The following EXT1 variants were observed in gnomAD, a reference collection of about 807,000 sequenced individuals.
The protein encoded by EXT1 is exostosin glycosyltransferase 1, also known as exostosin-1.
A neutral mutation model predicts 82.5 loss-of-function variants in EXT1; 20 were observed. That is an observed-to-expected ratio of 0.24 (90% confidence interval 0.17 to 0.35). The LOEUF is 0.35. Among genes scored for constraint, EXT1 ranks in the 10% least tolerant of loss-of-function variants. The pLI is 1.00. For synonymous variants in EXT1, 348 were observed against 350.8 expected (o/e 0.99, Z 0.09); for missense variants, 757 against 936.5 (o/e 0.81, Z 2.50).
intron 1 of EXT1, among the ~76,000 whole-genome samples, chr8:117,903,701 G>C (rs188311652): frequency 2.4e-3 from 372 of 152,240 alleles, no homozygotes; most frequent in South Asian, 7.7e-3. Context: ...ACAACAACTT[G>C]CCACAGACAG....
intron 1 of EXT1, among the ~76,000 whole-genome samples, chr8:117,969,844 C>T (rs79194317): frequency 0.012 from 1,812 of 152,310 alleles, 34 homozygotes; most frequent in African/African-American, 0.04. Context: ...TGAATCAGAA[C>T]GGCAGTTCTC....
intron 1 of EXT1, among the ~76,000 whole-genome samples, chr8:117,900,045 G>A (rs558940626): frequency 2.0e-5 from 3 of 152,326 alleles, no homozygotes; most frequent in East Asian, 1.9e-4. Flanking sequence ...GTGACTACAC[G>A]GAGGTCCCTG....
chr8:117,865,802 A>G (rs536868920), intron 1 of EXT1, among the ~76,000 whole-genome samples: 1 of 152,346 alleles, frequency 6.6e-6, no homozygotes, highest in African/African-American at 2.4e-5. Context: ...ATTTACACCG[A>G]GTTATATTGC....
intron 1 of EXT1, among the ~76,000 whole-genome samples, chr8:118,063,960 T>C (rs890950385): frequency 6.6e-6 from 1 of 152,100 alleles, no homozygotes; most frequent in African/African-American, 2.4e-5. Flanking sequence ...TCAACTTCCC[T>C]GGTTCAAGCG....
chr8:118,080,789 T>TTACTA (rs1464470156), intron 1 of EXT1, among the ~76,000 whole-genome samples: 1 of 152,100 alleles, frequency 6.6e-6, no homozygotes, highest in Non-Finnish European at 1.5e-5. Flanking sequence ...TGGCCCTCCT[T>TTACTA]TACTAAATAC....
intron 1 of EXT1, among the ~76,000 whole-genome samples, chr8:118,047,262 C>A (rs1266532207): frequency 6.6e-6 from 1 of 152,122 alleles, no homozygotes; most frequent in Non-Finnish European, 1.5e-5. Context: ...AATAACGTGA[C>A]CTTGGGCAAG....
At chr8:117,869,012 T>G (rs1429659181) in intron 1 of EXT1, among the ~76,000 whole-genome samples, 2 of 152,136 alleles carry the variant, frequency 1.3e-5, no homozygotes, top group Non-Finnish European at 2.9e-5. Context: ...GCCAAGTGCC[T>G]GCCAAAAATC....
chr8:117,968,383 G>A lies in EXT1; in HGVS notation c.963-131182C>T, dbSNP rs535930963. 2.0e-5 allele frequency among the ~76,000 whole-genome samples: 3 copies of A among 152,082 alleles called. 1 individual carries two copies. In the South Asian group the frequency reaches 6.2e-4, roughly 32 times the overall value. ...AATCCTCCTTCCTTGGCCTCCTAAA[G>A]TTCTGGGATTATAGGTGTGAGTCAC... On this transcript the variant is annotated intron_variant, in intron 1 of 10. Transcript: ENST00000378204.
chr8:117,971,875 G>A (rs1692791699), intron 1 of EXT1, among the ~76,000 whole-genome samples: 1 of 152,226 alleles, frequency 6.6e-6, no homozygotes. Flanking sequence ...AGAAGACCGG[G>A]TGCGGTGGCT....
intron 1 of EXT1, among the ~76,000 whole-genome samples, chr8:117,964,367 T>G (rs1372392554): frequency 5.9e-5 from 9 of 152,146 alleles, no homozygotes; most frequent in Admixed American, 5.9e-4. Flanking sequence ...CCTCCTCCCC[T>G]CAAGGTATGT....
chr8:117,823,201 T>C (rs977652711), intron 4 of EXT1, among the ~76,000 whole-genome samples: 3 of 152,150 alleles, frequency 2.0e-5, no homozygotes, highest in Non-Finnish European at 4.4e-5. Context: ...AGTAGTGAGT[T>C]AACAATTGCT....
intron 1 of EXT1, among the ~76,000 whole-genome samples, chr8:118,086,136 A>G (rs1189670570): frequency 6.6e-6 from 1 of 152,272 alleles, no homozygotes; most frequent in African/African-American, 2.4e-5. Flanking sequence ...GAAGAGGAAC[A>G]CTGTCAATCA....
At chr8:118,045,447 A>G (rs930855151) in intron 1 of EXT1, among the ~76,000 whole-genome samples, 11 of 152,138 alleles carry the variant, frequency 7.2e-5, no homozygotes, top group Non-Finnish European at 1.3e-4. Flanking sequence ...CAAACCAGTA[A>G]AAGTTAGATA....
intron 3 of EXT1, 137 bp from the exon 4 acceptor site, chr8:117,830,486 A>T: frequency 1.1e-6 from 1 of 925,130 alleles, no homozygotes; most frequent in Non-Finnish European, 1.6e-6. Flanking sequence ...AAAAATCATC[A>T]ATTCCTAAGT....
At chr8:117,917,496 C>T (rs1010834113) in intron 1 of EXT1, among the ~76,000 whole-genome samples, 4 of 152,260 alleles carry the variant, frequency 2.6e-5, no homozygotes, top group African/African-American at 9.6e-5. Context: ...TTCATCCTAA[C>T]ACATCCTAAC....
At chr8:117,914,861 C>T (rs1804416172) in intron 1 of EXT1, among the ~76,000 whole-genome samples, 1 of 151,308 alleles carries the variant, frequency 6.6e-6, no homozygotes, top group African/African-American at 2.4e-5. Flanking sequence ...TTACCCTTTG[C>T]CTTGTGCTCA....
intron 1 of EXT1, among the ~76,000 whole-genome samples, chr8:118,012,424 C>A (rs1231653947): frequency 6.6e-6 from 1 of 152,214 alleles, no homozygotes; most frequent in African/African-American, 2.4e-5. Context: ...CTTCCTAAGG[C>A]TAGATGGAAC....
chr8:117,812,208 G>A (rs1823337304), intron 8 of EXT1, among the ~76,000 whole-genome samples: 1 of 152,120 alleles, frequency 6.6e-6, no homozygotes, highest in Non-Finnish European at 1.5e-5. Context: ...TTTAAAGGAA[G>A]GTTTCAGAGA....
rs77043301 is a variant in EXT1, at chr8:117,831,742, G to A, written c.1165-1393C>T. The A allele has an allele frequency of 1.3e-3, 590 of 462,162 alleles. 3 individuals carry two copies. The highest frequency in any genetic ancestry group is 1.7e-3 in the Middle Eastern group (5 of 3,030). The allele number at this position is 462,162 out of a possible 1,614,324, so 28.6% of individuals were successfully genotyped here. A position where few individuals can be genotyped will look rare whatever the true frequency, so the allele number is the denominator to read the frequency against. ...CTAAGACTGTAACAGAGTTTCCATTGGAGGGGAAGGAAGTGGTAGCACATT... is the reference window on the plus strand; with the variant it reads ...CTAAGACTGTAACAGAGTTTCCATTAGAGGGGAAGGAAGTGGTAGCACATT... On this transcript the variant is annotated intron_variant, in intron 3 of 10. Transcript: ENST00000378204.
Sources: allele counts gnomAD v4.1 joint callset (sites outside exome capture counted in the v4.1 genomes callset), GRCh38; gene constraint gnomAD v4.1.1; transcripts MANE v1.5; gene names NCBI Gene and HGNC (gene_info 2026-07-23, HGNC 2026-07-21).